SSH1: variants seen among roughly 807,000 people sequenced by gnomAD.
SSH1 encodes the protein protein phosphatase Slingshot homolog 1.
A neutral mutation model predicts 79.7 loss-of-function variants in SSH1; 43 were observed. The ratio of observed to expected loss-of-function variants is 0.54; its 90% confidence interval spans 0.42 to 0.70. The LOEUF is 0.70. Ranked by LOEUF, SSH1 falls within the 30% of genes least tolerant of loss-of-function variation. SSH1 has a pLI of 0.00. For synonymous variants in SSH1, 599 were observed against 538.3 expected (o/e 1.11, Z -1.56); for missense variants, 1,206 against 1,358.8 (o/e 0.89, Z 1.77).
intron 4 of SSH1, 141 bp downstream of exon 4, chr12:108,818,108 A>C: frequency 1.5e-6 from 1 of 687,506 alleles, no homozygotes; most frequent in Non-Finnish European, 2.6e-6. Context: ...TGAGGTGGGA[A>C]GATTGCTTGA....
chr12:108,802,680 T>TGG (rs71443819), intron 10 of SSH1, among the ~76,000 whole-genome samples: 12 of 149,272 alleles, frequency 8.0e-5, no homozygotes, highest in African/African-American at 2.2e-4. Flanking sequence ...AAGAGTCCAG[T>TGG]GGGGGGGGGT....
In SSH1 at chr12:108,793,936, C is replaced by T. The variant is rs78240302; in HGVS notation, c.1350-1107G>A. Among the ~76,000 whole-genome samples the T allele has an allele frequency of 9.6e-3, 1,455 of 152,288 alleles. 20 individuals carry two copies. The highest frequency in any genetic ancestry group is 0.032 in the African/African-American group (1,344 of 41,546). ...ACGCTGCTATGAACCTGGCCTGGAG[C>T]GCCTGGCTTAGGCTGCAGAGGGCAC... On this transcript the variant is annotated intron_variant, in intron 13 of 14. Transcript: ENST00000326495.
At position 108,788,253 on chromosome 12, in the gene SSH1, A is replaced by T; in HGVS notation, c.2885T>A (p.Leu962His). The stretch of plus-strand genomic sequence containing the variant: ...AGAGACGGTGAGGCCCGCCAGCCGG[A>T]GCCGGGTCTCAATCTCCTGTGTCCG... ...KQRTQEIETR[L>H]RLAGLTVSSP... The change falls in exon 15 of 15, where the codon CTC (leucine) becomes CAC (histidine). Residue 962 changes from leucine (L) to histidine (H), a missense_variant. Transcript: ENST00000326495. 6.2e-7 allele frequency: 1 copy of T among 1,613,788 alleles called. No homozygotes were observed.
chr12:108,829,496 T>TG (rs1454330388), intron 2 of SSH1, among the ~76,000 whole-genome samples: 1 of 152,160 alleles, frequency 6.6e-6, no homozygotes, highest in Non-Finnish European at 1.5e-5. Flanking sequence ...TTGCAGAGCA[T>TG]GGAGCACAGG....
Position 108,807,474 on chromosome 12 carries a change from C to T in SSH1, c.731+159G>A. 1.6e-6 allele frequency: 1 copy of T among 641,916 alleles called. No individual in the cohort carries two copies. The highest frequency in any genetic ancestry group is 2.7e-6 in the Non-Finnish European group (1 of 367,266). 39.8% of individuals were successfully genotyped at this position (641,916 alleles called of 1,614,324 possible). A position where few individuals can be genotyped will look rare whatever the true frequency, so the allele number is the denominator to read the frequency against. ...GGACAGGGGCCTGTGTCACAGACCC[C>T]TGCTTTAAACGCTGGTTCTGAGAAA... On this transcript the variant is annotated intron_variant, in intron 8 of 14. Transcript: ENST00000326495. This position sits in a 1 kb window ranked among gnomAD's most constrained non-coding sequence, Gnocchi z 5.2.
In SSH1 at chr12:108,782,125, C is replaced by A. The variant is rs1288883191; in HGVS notation, c.*5863G>T. 1 of 128,216 alleles carries A rather than the reference C, an allele frequency of 7.8e-6. No individual in the cohort carries two copies. Among genetic ancestry groups the A allele is most frequent in the Admixed American group, 8.4e-5 (1 of 11,916 alleles). 7.9% of individuals were successfully genotyped at this position (128,216 alleles called of 1,614,324 possible). On this transcript the variant is annotated 3_prime_UTR_variant, in exon 15 of 15. Transcript: ENST00000326495. ...TCCAGCCTGAGCAAGAGAGCCAGAC[C>A]CAGTCTCAAAAAAAAAAAAAAAAAA... is the stretch of plus-strand genomic sequence containing the variant.
At chr12:108,805,685 C>A (rs1593044851) in intron 9 of SSH1, among the ~76,000 whole-genome samples, 1 of 136,278 alleles carries the variant, frequency 7.3e-6, no homozygotes, top group African/African-American at 2.8e-5. Context: ...ACAGGAAGAC[C>A]AAGTCTCTTA....
In SSH1 at chr12:108,787,884, G is replaced by A. The variant is rs570180014; in HGVS notation, c.*104C>T. On this transcript the variant is annotated 3_prime_UTR_variant, in exon 15 of 15. Transcript: ENST00000326495. ...GGGAAAAGTTAGGATGACTTCACTC[G>A]TTTAAGGGAAATCAAGATGTAAGGG... 56 of 1,456,848 alleles carry A rather than the reference G, an allele frequency of 3.8e-5. 2 individuals are homozygous for A. In the South Asian group the frequency reaches 4.7e-4, roughly 12 times the overall value. 90.2% of individuals were successfully genotyped at this position (1,456,848 alleles called of 1,614,324 possible).
At chr12:108,803,330 C>T (rs1352853852) in intron 10 of SSH1, among the ~76,000 whole-genome samples, 3 of 151,506 alleles carry the variant, frequency 2.0e-5, no homozygotes, top group Non-Finnish European at 2.9e-5. Context: ...GAAAAACCTT[C>T]CACTCCCAAG....
At chr12:108,810,687 C>T (rs2037537257) in intron 6 of SSH1, among the ~76,000 whole-genome samples, 3 of 152,374 alleles carry the variant, frequency 2.0e-5, no homozygotes, top group South Asian at 2.1e-4. Flanking sequence ...GGCCACTTTC[C>T]TATTCTGTTT....
intron 7 of SSH1, among the ~76,000 whole-genome samples, chr12:108,809,456 C>CAAAA (rs200047288): frequency 8.8e-6 from 1 of 114,242 alleles, no homozygotes; most frequent in Non-Finnish European, 1.8e-5. Flanking sequence ...GACCCTGTCT[C>CAAAA]AAAAAAAAAA....
At chr12:108,820,832 G>A (rs1054115221) in intron 3 of SSH1, among the ~76,000 whole-genome samples, 4 of 152,164 alleles carry the variant, frequency 2.6e-5, no homozygotes, top group Admixed American at 2.6e-4. Flanking sequence ...TCTGTCCCAA[G>A]GTCATTTACA....
chr12:108,792,650 C>T lies in SSH1; in HGVS notation c.1529G>A (p.Cys510Tyr). Residue 510 changes from cysteine (C) to tyrosine (Y), a missense_variant, in exon 14 of 15, where the codon TGT becomes TAT. Cys to Tyr is a radical substitution (Grantham distance 194, BLOSUM62 -2). Transcript: ENST00000326495. ...AAGGGGGTCTGAGAGTCGCCGGAAACAGCAGGGGAGGGGGGGCCCTAAGCC... is the reference window on the plus strand; with the variant it reads ...AAGGGGGTCTGAGAGTCGCCGGAAATAGCAGGGGAGGGGGGGCCCTAAGCC... ...QPGLGPPLPC[C>Y]FRRLSDPLLP... 6.2e-7 allele frequency: 1 copy of T among 1,611,790 alleles called. No homozygotes were observed. The highest frequency in any genetic ancestry group is 8.5e-7 in the Non-Finnish European group (1 of 1,179,780).
chr12:108,791,132 C>T (rs772620951), intron 14 of SSH1, among the ~76,000 whole-genome samples: 19 of 152,172 alleles, frequency 1.2e-4, no homozygotes, highest in East Asian at 3.8e-4. Context: ...TGTTTTTAGA[C>T]GGAGTCTCGC....
At chr12:108,848,362 T>TA (rs1488550134) in intron 2 of SSH1, among the ~76,000 whole-genome samples, 2 of 152,090 alleles carry the variant, frequency 1.3e-5, no homozygotes, top group African/African-American at 4.8e-5. Context: ...ATGAAACTAT[T>TA]AATTAAGGCT....
chr12:108,853,320 A>G (rs2039081873), intron 1 of SSH1: 1 of 985,364 alleles, frequency 1.0e-6, no homozygotes, highest in African/African-American at 1.7e-5. Flanking sequence ...TTTGGGCTCC[A>G]GAAGTACCTA....
At chr12:108,829,276 A>C (rs2038414973) in intron 2 of SSH1, among the ~76,000 whole-genome samples, 1 of 152,162 alleles carries the variant, frequency 6.6e-6, no homozygotes, top group African/African-American at 2.4e-5. Context: ...GCAGTGAGCC[A>C]AGATCGCACC....
Sources: gnomAD v4.1 joint callset for allele counts (sites outside exome capture counted in the v4.1 genomes callset) on GRCh38, gnomAD v4.1.1 for gene constraint, Gnocchi (gnomAD v3.1) non-coding constraint, MANE v1.5 for transcripts, NCBI Gene and HGNC (gene_info 2026-07-23, HGNC 2026-07-21) for gene names.